Variants in SLC25A21 observed in about 807,000 individuals in gnomAD.
SLC25A21 encodes mitochondrial 2-oxodicarboxylate carrier.
Under a neutral mutation model 43.8 loss-of-function variants are expected in SLC25A21, and 47 were observed. The ratio of observed to expected loss-of-function variants is 1.07; its 90% CI spans 0.85 to 1.37. The LOEUF (loss-of-function observed/expected upper bound fraction) is 1.37. SLC25A21 is among the 40% of genes most tolerant of loss of function. SLC25A21 has a pLI of 0.00. For synonymous variants in SLC25A21, 131 were observed against 121.3 expected (o/e 1.08, Z -0.52); for missense variants, 352 against 350.2 (o/e 1.00, Z -0.04).
chr14:36,734,418 A>ATG, intron 4 of SLC25A21, 89 bp downstream of exon 4: 1 of 911,916 alleles, frequency 1.1e-6, no homozygotes, highest in African/African-American at 2.5e-5. Flanking sequence ...TGCTTTATAT[A>ATG]TAATTCATTT....
At chr14:37,159,172 A>AG (rs1963898201) in intron 1 of SLC25A21, among the ~76,000 whole-genome samples, 1 of 152,052 alleles carries the variant, frequency 6.6e-6, no homozygotes, top group South Asian at 2.1e-4. Context: ...AGCAATCTAC[A>AG]GATTCAATGC....
intron 1 of SLC25A21, among the ~76,000 whole-genome samples, chr14:37,116,360 G>T (rs773096756): frequency 5.9e-5 from 9 of 152,116 alleles, no homozygotes; most frequent in Non-Finnish European, 1.3e-4. Context: ...CATTCACTTT[G>T]TGTGCATCTT....
At chr14:36,694,406 A>G (rs1882927905) in intron 7 of SLC25A21, among the ~76,000 whole-genome samples, 1 of 152,228 alleles carries the variant, frequency 6.6e-6, no homozygotes, top group Non-Finnish European at 1.5e-5. Context: ...AGCATGATTT[A>G]TAATCCTTTA....
intron 1 of SLC25A21, among the ~76,000 whole-genome samples, chr14:37,137,472 AAAG>A (rs1487836795): frequency 1.3e-5 from 2 of 152,256 alleles, no homozygotes; most frequent in African/African-American, 4.8e-5. Context: ...GCCAGCTTAA[AAAG>A]AAGCATAGAT....
At chr14:36,779,993 C>G (rs967337628) in intron 3 of SLC25A21, among the ~76,000 whole-genome samples, 2 of 151,902 alleles carry the variant, frequency 1.3e-5, no homozygotes, top group South Asian at 4.1e-4. Flanking sequence ...GACTGTTATA[C>G]TCATTCAGTC....
intron 1 of SLC25A21, among the ~76,000 whole-genome samples, chr14:37,095,817 C>CGT (rs1566877811): frequency 4.4e-4 from 13 of 29,870 alleles, no homozygotes; most frequent in South Asian, 2.1e-3. Flanking sequence ...CACACGCGCA[C>CGT]GCACACACAC....
At chr14:36,793,041 A>G (rs2138404057) in intron 3 of SLC25A21, among the ~76,000 whole-genome samples, 1 of 152,290 alleles carries the variant, frequency 6.6e-6, no homozygotes, top group East Asian at 1.9e-4. Flanking sequence ...GGCGTCTTAT[A>G]CTGGCATTAC....
At chr14:36,715,614 C>T (rs553731314) in intron 6 of SLC25A21, among the ~76,000 whole-genome samples, 23 of 152,230 alleles carry the variant, frequency 1.5e-4, no homozygotes, top group South Asian at 2.1e-4. Context: ...ATTGACTGCA[C>T]CCAATCTGAA....
intron 1 of SLC25A21, among the ~76,000 whole-genome samples, chr14:36,959,367 C>A (rs1959429089): frequency 6.6e-6 from 1 of 152,096 alleles, no homozygotes; most frequent in East Asian, 1.9e-4. Context: ...AAAAACAAAC[C>A]CCAGGAAATG....
chr14:37,007,551 C>T (rs1021810863), intron 1 of SLC25A21, among the ~76,000 whole-genome samples: 12 of 148,886 alleles, frequency 8.1e-5, no homozygotes, highest in East Asian at 5.8e-4. Flanking sequence ...TGCAGTGAGC[C>T]GAGATCACGC....
At chr14:36,786,718 G>A (rs187173073) in intron 3 of SLC25A21, among the ~76,000 whole-genome samples, 17 of 152,102 alleles carry the variant, frequency 1.1e-4, no homozygotes, top group East Asian at 9.7e-4. Context: ...ATGTCCCCGC[G>A]TTGTAAAATG....
At chr14:36,793,533 C>CAAAAAAAAAAAAA (rs35553282) in intron 3 of SLC25A21, among the ~76,000 whole-genome samples, 1 of 125,936 alleles carries the variant, frequency 7.9e-6, no homozygotes, top group Non-Finnish European at 1.7e-5. Flanking sequence ...AAAATACAAC[C>CAAAAAAAAAAAAA]AAAAAAAAAA....
chr14:36,980,978 T>C (rs1960006845), intron 1 of SLC25A21, among the ~76,000 whole-genome samples: 1 of 151,998 alleles, frequency 6.6e-6, no homozygotes, highest in Admixed American at 6.6e-5. Context: ...TACAAAGAAC[T>C]TAAGTTTACA....
In SLC25A21 at chr14:36,962,064, A is replaced by C. The variant is rs371473152; in HGVS notation, c.71-87060T>G. On this transcript the variant is annotated intron_variant, in intron 1 of 9. Coordinates refer to ENST00000331299, the MANE Select transcript of SLC25A21 (RefSeq NM_030631.4). ...GTCTGGACAACTGCAGCGACTTCCA[A>C]GGTGGTTCTTTCCGAACCACTCATC... Among the ~76,000 whole-genome samples, 96 of 152,306 alleles carry C rather than the reference A, an allele frequency of 6.3e-4. 1 individual carries two copies. Among genetic ancestry groups the C allele is most frequent in the African/African-American group, 2.2e-3 (93 of 41,578 alleles).
At chr14:37,145,010 C>G (rs1963638556) in intron 1 of SLC25A21, among the ~76,000 whole-genome samples, 1 of 151,958 alleles carries the variant, frequency 6.6e-6, no homozygotes, top group Non-Finnish European at 1.5e-5. Flanking sequence ...TTTTCCCTCT[C>G]CATTAATAAT....
intron 5 of SLC25A21, among the ~76,000 whole-genome samples, chr14:36,727,396 AG>A (rs1377118770): frequency 2.0e-5 from 3 of 152,270 alleles, no homozygotes; most frequent in African/African-American, 7.2e-5. Context: ...CGCATAAAAA[AG>A]GAAGAATGGG....
At chr14:36,902,061 T>G (rs919500039) in intron 1 of SLC25A21, among the ~76,000 whole-genome samples, 1 of 152,224 alleles carries the variant, frequency 6.6e-6, no homozygotes, top group Non-Finnish European at 1.5e-5. Context: ...AAAATATGAT[T>G]AACTCTGTAC....
Position 37,092,634 on chromosome 14 carries a change from G to A in SLC25A21, c.70+79647C>T, listed in dbSNP as rs150520288. Among the ~76,000 whole-genome samples the A allele has an allele frequency of 5.7e-3, 861 of 152,238 alleles. 5 individuals carry two copies. Among genetic ancestry groups the A allele is most frequent in the African/African-American group, 0.015 (608 of 41,540 alleles). On this transcript the variant is annotated intron_variant, in intron 1 of 9. Transcript: ENST00000331299. ...TGCTGAGCATTTCTGGAAAGAAATC[G>A]TTCCTCTCTGGGAGAACTATGGTGG...
intron 1 of SLC25A21, among the ~76,000 whole-genome samples, chr14:36,881,926 A>G (rs1007309680): frequency 5.3e-5 from 8 of 152,350 alleles, no homozygotes; most frequent in Non-Finnish European, 1.0e-4. Flanking sequence ...TTATTTTACT[A>G]TACACAATGT....
Sources: allele counts gnomAD v4.1 joint callset (sites outside exome capture counted in the v4.1 genomes callset), GRCh38; gene constraint gnomAD v4.1.1; transcripts MANE v1.5; gene names NCBI Gene and HGNC (gene_info 2026-07-23, HGNC 2026-07-21).